NTM: variants seen among roughly 807,000 people sequenced by gnomAD.
NTM encodes the protein neurotrimin.
NTM carries 13 observed loss-of-function variants against 42.1 expected under a neutral mutation model. The observed-to-expected ratio is 0.31, with a 90% CI of 0.20 to 0.49. NTM has a LOEUF of 0.49. Ranked by LOEUF, NTM falls within the 20% of genes least tolerant of loss-of-function variation. The pLI, the probability that NTM is intolerant of heterozygous loss-of-function variation, is 0.99. For synonymous variants in NTM, 187 were observed against 179.2 expected (o/e 1.04, Z -0.35); for missense variants, 373 against 452.8 (o/e 0.82, Z 1.60).
intron 2 of NTM, among the ~76,000 whole-genome samples, chr11:132,057,080 A>G (rs1415956430): frequency 6.6e-6 from 1 of 152,250 alleles, no homozygotes; most frequent in Non-Finnish European, 1.5e-5. Flanking sequence ...TAAACTTAAC[A>G]CAATTGAGGC....
chr11:131,561,082 G>T (rs956625893), intron 1 of NTM, among the ~76,000 whole-genome samples: 1 of 152,196 alleles, frequency 6.6e-6, no homozygotes, highest in East Asian at 1.9e-4. Context: ...GTGGCTGCAG[G>T]TGCAATCTGA....
At chr11:131,873,448 C>T (rs1255920046) in intron 1 of NTM, among the ~76,000 whole-genome samples, 1 of 151,120 alleles carries the variant, frequency 6.6e-6, no homozygotes, top group African/African-American at 2.4e-5. Context: ...TTGATGGGTG[C>T]AGCAAATCAC....
At chr11:132,068,778 C>A (rs776198038) in intron 2 of NTM, among the ~76,000 whole-genome samples, 41 of 152,176 alleles carry the variant, frequency 2.7e-4, no homozygotes, top group Non-Finnish European at 5.3e-4. Flanking sequence ...GTAAAGCAGG[C>A]CATCAGGAAT....
intron 1 of NTM, among the ~76,000 whole-genome samples, chr11:131,416,511 G>A (rs1440376348): frequency 6.6e-6 from 1 of 152,150 alleles, no homozygotes; most frequent in Non-Finnish European, 1.5e-5. Flanking sequence ...ATTGGCTGAT[G>A]ACTTCTTATT....
chr11:131,634,638 C>CAAA (rs1565356492), intron 1 of NTM, among the ~76,000 whole-genome samples: 1 of 100,818 alleles, frequency 9.9e-6, no homozygotes. Context: ...GGACAACCCA[C>CAAA]TAGAAAAAAG....
intron 1 of NTM, among the ~76,000 whole-genome samples, chr11:131,596,632 G>A (rs905921089): frequency 6.6e-6 from 1 of 152,210 alleles, no homozygotes; most frequent in African/African-American, 2.4e-5. Flanking sequence ...TGCGGGAGCA[G>A]AAAGCATGTC....
chr11:132,286,135 G>A (rs771974619), intron 4 of NTM, among the ~76,000 whole-genome samples: 8 of 152,128 alleles, frequency 5.3e-5, no homozygotes, highest in Non-Finnish European at 1.2e-4. Context: ...ACACAGTGGA[G>A]TACAATTTAC....
At chr11:131,954,738 C>T (rs997728823) in intron 2 of NTM, among the ~76,000 whole-genome samples, 2 of 152,130 alleles carry the variant, frequency 1.3e-5, no homozygotes, top group South Asian at 2.1e-4. Context: ...CATCCACATT[C>T]GTCATTGTTA....
At chr11:131,833,518 A>T (rs776719079) in intron 1 of NTM, among the ~76,000 whole-genome samples, 5 of 152,200 alleles carry the variant, frequency 3.3e-5, no homozygotes, top group Admixed American at 2.0e-4. Context: ...AATGGAAGAC[A>T]CTCATGGGGG....
At chr11:131,951,444 T>G (rs989965320) in intron 2 of NTM, among the ~76,000 whole-genome samples, 15 of 152,150 alleles carry the variant, frequency 9.9e-5, no homozygotes, top group Non-Finnish European at 1.9e-4. Context: ...CTGAAGCAGA[T>G]GCTCCCTCTC....
At position 131,598,852 on chromosome 11, in the gene NTM, C is replaced by T. The variant is rs866997467; in HGVS notation, c.82+227964C>T. Among the ~76,000 whole-genome samples the T allele has an allele frequency of 3.7e-3, 133 of 36,196 alleles. 21 individuals carry two copies. Among genetic ancestry groups the T allele is most frequent in the African/African-American group, 4.5e-3 (55 of 12,088 alleles). The allele number at this position is 36,196 out of a possible 152,430, so 23.7% of individuals were successfully genotyped here. Reference sequence around the variant, plus strand: ...TTCTTTCTTTCTTTCTTTCTTTCTTCCTTCCTTCCTTCCTTCCTTCCTTCT... The same window carrying T: ...TTCTTTCTTTCTTTCTTTCTTTCTTTCTTCCTTCCTTCCTTCCTTCCTTCT... On this transcript the variant is annotated intron_variant, in intron 1 of 8. Transcript: ENST00000683400.
rs192832192 is a variant in NTM at position 131,655,470 on chromosome 11, G to A, written c.83-256094G>A. Among the ~76,000 whole-genome samples, 10 of 152,324 alleles carry A rather than the reference G, an allele frequency of 6.6e-5. No individual in the cohort carries two copies. The East Asian group carries it at 1.9e-3, about 29-fold the overall frequency. ...AACAGGAAACCTGAAAAAAGGCAAGGTCAGCAACAACCTCCAGGGCTTCCA... is the reference window on the plus strand; with the variant it reads ...AACAGGAAACCTGAAAAAAGGCAAGATCAGCAACAACCTCCAGGGCTTCCA... On this transcript the variant is annotated intron_variant, in intron 1 of 8. Transcript: ENST00000683400.
intron 1 of NTM, among the ~76,000 whole-genome samples, chr11:131,597,075 G>C (rs2059875050): frequency 6.6e-6 from 1 of 152,140 alleles, no homozygotes; most frequent in Non-Finnish European, 1.5e-5. Context: ...TCCAGATTAA[G>C]GGAGGGTCTG....
chr11:131,762,157 G>A (rs186750011), intron 1 of NTM, among the ~76,000 whole-genome samples: 3 of 152,306 alleles, frequency 2.0e-5, no homozygotes, highest in Admixed American at 1.3e-4. Flanking sequence ...CAGCACTTTC[G>A]GCAGCACCCT....
At chr11:132,042,734 A>T (rs1398672776) in intron 2 of NTM, among the ~76,000 whole-genome samples, 2 of 152,200 alleles carry the variant, frequency 1.3e-5, no homozygotes, top group African/African-American at 4.8e-5. Flanking sequence ...TATTGTACAG[A>T]CCATATAAGG....
At chr11:131,876,803 G>A (rs182914827) in intron 1 of NTM, among the ~76,000 whole-genome samples, 84 of 151,910 alleles carry the variant, frequency 5.5e-4, no homozygotes, top group African/African-American at 1.5e-3. Context: ...AATAACACCT[G>A]TAAACTGTAA....
chr11:131,527,056 G>A (rs73026182), intron 1 of NTM, among the ~76,000 whole-genome samples: 12,374 of 152,170 alleles, frequency 0.081, 571 homozygotes, highest in Middle Eastern at 0.15. Flanking sequence ...AGTCAGCCTG[G>A]CAACCTCTTA....
At position 131,870,197 on chromosome 11, in the gene NTM, A is replaced by G. The variant is rs1350529494; in HGVS notation, c.83-41367A>G. On this transcript the variant is annotated intron_variant, in intron 1 of 8. Transcript: ENST00000683400. ...AGTTCCATGCTGAAGTCACAGTAGA[A>G]AGAAAGTGGATGGGCTTTGGATTTA... is the stretch of plus-strand genomic sequence containing the variant. Among the ~76,000 whole-genome samples, 14 of 152,352 alleles carry G rather than the reference A, an allele frequency of 9.2e-5. 1 individual carries two copies. The East Asian group carries it at 2.7e-3, about 29-fold the overall frequency.
chr11:131,508,330 A>G (rs1168184596), intron 1 of NTM, among the ~76,000 whole-genome samples: 1 of 147,862 alleles, frequency 6.8e-6, no homozygotes, highest in Non-Finnish European at 1.5e-5. Context: ...CAAAACCACA[A>G]TGAGATACCA....
Sources: allele counts gnomAD v4.1 joint callset (sites outside exome capture counted in the v4.1 genomes callset), GRCh38; gene constraint gnomAD v4.1.1; transcripts MANE v1.5; gene names NCBI Gene and HGNC (gene_info 2026-07-23, HGNC 2026-07-21).